ZZZ3: variants seen among roughly 807,000 people sequenced by gnomAD.
The protein encoded by ZZZ3 is zinc finger ZZ-type containing 3, also known as ZZ-type zinc finger-containing protein 3.
In ZZZ3, 22 loss-of-function variants were observed where a neutral mutation model predicts 95.2. That is an observed-to-expected ratio of 0.23 (90% confidence interval 0.17 to 0.33). The LOEUF is 0.33. Among genes scored for constraint, ZZZ3 ranks in the 10% least tolerant of loss-of-function variants. The pLI is 1.00. For synonymous variants in ZZZ3, 335 were observed against 358.9 expected (o/e 0.93, Z 0.75); for missense variants, 885 against 1,066.5 (o/e 0.83, Z 2.37).
chr1:77,579,027 A>G (rs770951610), intron 10 of ZZZ3, among the ~76,000 whole-genome samples, 158 bp from the exon 11 acceptor site: 1 of 152,206 alleles, frequency 6.6e-6, no homozygotes, highest in Non-Finnish European at 1.5e-5. Context: ...AAATACACAT[A>G]TATTTTAAAA....
chr1:77,579,012 C>T (rs1042259145), intron 10 of ZZZ3, 143 bp from the exon 11 acceptor site: 1 of 422,090 alleles, frequency 2.4e-6, no homozygotes, highest in Non-Finnish European at 4.1e-6. Context: ...CAATAAACTG[C>T]CACCAAATAC....
chr1:77,584,612 G>T lies in ZZZ3; in HGVS notation c.1549C>A (p.Arg517Ser), dbSNP rs752613048. Residue 517 changes from arginine (R) to serine (S), a missense_variant, in exon 6 of 15, where the codon CGT becomes AGT. Coordinates refer to ENST00000370801, the MANE Select transcript of ZZZ3 (RefSeq NM_015534.6). ...TCAAGGTCTTGGACTGCTTGAGAAC[G>T]CTGAGCCTCGAGTACAGCAATCGTC... ...LQTIAVLEAQRSQAVQDLESL... is the reference protein window; with the variant it reads ...LQTIAVLEAQSSQAVQDLESL... 6.2e-7 allele frequency: 1 copy of T among 1,611,522 alleles called. No individual in the cohort carries two copies. The highest frequency in any genetic ancestry group is 8.5e-7 in the Non-Finnish European group (1 of 1,179,012).
chr1:77,602,382 C>G (rs1664813941), intron 5 of ZZZ3, among the ~76,000 whole-genome samples: 1 of 152,114 alleles, frequency 6.6e-6, no homozygotes, highest in Non-Finnish European at 1.5e-5. Context: ...TCAGAGTAAA[C>G]CAACAGCAGT....
In ZZZ3 at chr1:77,563,499, A is replaced by C. The variant is rs2100431620; in HGVS notation, c.*2141T>G. 1 of 152,190 alleles carries C rather than the reference A, an allele frequency of 6.6e-6. No individual in the cohort carries two copies. Among genetic ancestry groups the C allele is most frequent in the South Asian group, 2.1e-4 (1 of 4,826 alleles). 9.4% of individuals were successfully genotyped at this position (152,190 alleles called of 1,614,324 possible). On this transcript the variant is annotated 3_prime_UTR_variant, in exon 15 of 15. Coordinates refer to ENST00000370801, the MANE Select transcript of ZZZ3 (RefSeq NM_015534.6). Reference sequence around the variant, plus strand: ...CTTCTTAACTCAAAAATCTCAAAAAATGTTTGCCCTAGAAAAATGCATTCA... The same window carrying C: ...CTTCTTAACTCAAAAATCTCAAAAACTGTTTGCCCTAGAAAAATGCATTCA...
intron 3 of ZZZ3, among the ~76,000 whole-genome samples, chr1:77,640,167 TAACAAG>T (rs1668645161): frequency 6.6e-6 from 1 of 152,196 alleles, no homozygotes; most frequent in African/African-American, 2.4e-5. Context: ...TATGTATTTT[TAACAAG>T]AACAAGAACA....
intron 1 of ZZZ3, among the ~76,000 whole-genome samples, chr1:77,667,034 T>G (rs1236996501): frequency 1.3e-5 from 2 of 152,258 alleles, no homozygotes; most frequent in Admixed American, 1.3e-4. Flanking sequence ...GGAGACTTAC[T>G]GTTCAATTAT....
intron 1 of ZZZ3, among the ~76,000 whole-genome samples, chr1:77,647,174 G>A (rs912760013): frequency 1.2e-4 from 18 of 151,988 alleles, no homozygotes; most frequent in African/African-American, 1.5e-4. Flanking sequence ...AATAAGAATC[G>A]GAAAAAAATA....
chr1:77,602,602 A>ATTTTTTTTTT (rs33915566), intron 5 of ZZZ3, among the ~76,000 whole-genome samples: 2 of 117,964 alleles, frequency 1.7e-5, no homozygotes, highest in Non-Finnish European at 3.3e-5. Context: ...ATTTTTACTG[A>ATTTTTTTTTT]TTTTTTTTTT....
chr1:77,651,258 G>A (rs1454946820), intron 1 of ZZZ3, among the ~76,000 whole-genome samples: 1 of 152,066 alleles, frequency 6.6e-6, no homozygotes, highest in East Asian at 1.9e-4. Flanking sequence ...AGTGGTGTGT[G>A]CCTGTGATCC....
chr1:77,654,723 T>G (rs1260681591), intron 1 of ZZZ3, among the ~76,000 whole-genome samples: 1 of 152,230 alleles, frequency 6.6e-6, no homozygotes, highest in South Asian at 2.1e-4. Flanking sequence ...CATAGATAGA[T>G]GGATATCTTT....
At position 77,648,183 on chromosome 1, in the gene ZZZ3, C is replaced by A. The variant is rs192995560; in HGVS notation, c.-402-6528G>T. Among the ~76,000 whole-genome samples the A allele has an allele frequency of 2.0e-5, 3 of 151,716 alleles. No individual in the cohort carries two copies. The East Asian group carries it at 5.8e-4, about 29-fold the overall frequency. On this transcript the variant is annotated intron_variant, in intron 1 of 14. Coordinates refer to ENST00000370801, the MANE Select transcript of ZZZ3 (RefSeq NM_015534.6). ...GACCAGCCTGAGCAACATGGCAAGACCCCATTTCTACAAAAATTAGCCAGA... is the reference window on the plus strand; with the variant it reads ...GACCAGCCTGAGCAACATGGCAAGAACCCATTTCTACAAAAATTAGCCAGA...
Position 77,568,588 on chromosome 1 carries a change from C to G in ZZZ3, c.2332-122G>C, listed in dbSNP as rs891550354. On this transcript the variant is annotated intron_variant, in intron 12 of 14. Coordinates refer to ENST00000370801, the MANE Select transcript of ZZZ3 (RefSeq NM_015534.6). ...TTCATTTTTAAAATATCTCTTAGTACTCATAGAAAATTAGTGCTGTTATTA... is the reference window on the plus strand; with the variant it reads ...TTCATTTTTAAAATATCTCTTAGTAGTCATAGAAAATTAGTGCTGTTATTA... 8.0e-6 allele frequency: 4 copies of G among 497,312 alleles called. No individual in the cohort carries two copies. In the East Asian group the frequency reaches 1.7e-4, roughly 21 times the overall value. The allele number at this position is 497,312 out of a possible 1,614,324, so 30.8% of individuals were successfully genotyped here. A position where few individuals can be genotyped will look rare whatever the true frequency, so the allele number is the denominator to read the frequency against.
At chr1:77,575,001 T>C (rs968140969) in intron 12 of ZZZ3, among the ~76,000 whole-genome samples, 2 of 151,940 alleles carry the variant, frequency 1.3e-5, no homozygotes, top group African/African-American at 4.8e-5. Flanking sequence ...CTGGCCAACA[T>C]AGTGAACCCC....
chr1:77,624,808 C>G (rs529651831), intron 5 of ZZZ3, among the ~76,000 whole-genome samples: 12 of 152,216 alleles, frequency 7.9e-5, no homozygotes, highest in African/African-American at 2.9e-4. Flanking sequence ...GAGGACCTAC[C>G]ATTTGTGATT....
Position 77,576,234 on chromosome 1 carries a change from C to A in ZZZ3, c.2179-14G>T. The A allele has an allele frequency of 1.9e-6, 3 of 1,557,190 alleles. No individual in the cohort carries two copies. Among genetic ancestry groups the A allele is most frequent in the East Asian group, 2.3e-5 (1 of 44,046 alleles). On this transcript the variant is annotated splice_polypyrimidine_tract_variant and intron_variant, in intron 11 of 14. Coordinates refer to ENST00000370801, the MANE Select transcript of ZZZ3 (RefSeq NM_015534.6). Reference sequence around the variant, plus strand: ...GCTTGTTGAAGACTAAGTAAGAAAACAAATTTTTAATTGGTTCAGTGAAAA... The same window carrying A: ...GCTTGTTGAAGACTAAGTAAGAAAAAAAATTTTTAATTGGTTCAGTGAAAA...
At chr1:77,645,114 T>C (rs1179059050) in intron 1 of ZZZ3, among the ~76,000 whole-genome samples, 1 of 152,028 alleles carries the variant, frequency 6.6e-6, no homozygotes, top group Non-Finnish European at 1.5e-5. Flanking sequence ...GTGCACCTGT[T>C]GTAGTCCTAG....
chr1:77,650,385 G>T (rs1669691222), intron 1 of ZZZ3, among the ~76,000 whole-genome samples: 1 of 152,030 alleles, frequency 6.6e-6, no homozygotes, highest in Non-Finnish European at 1.5e-5. Flanking sequence ...AACAACAAAT[G>T]AACATTAAAA....
At chr1:77,611,936 A>G (rs1158817381) in intron 5 of ZZZ3, among the ~76,000 whole-genome samples, 1 of 152,072 alleles carries the variant, frequency 6.6e-6, no homozygotes, top group Non-Finnish European at 1.5e-5. Flanking sequence ...TTTGGGTAAT[A>G]CACAAAAAGC....
At chr1:77,576,565 G>T (rs1661968487) in intron 11 of ZZZ3, among the ~76,000 whole-genome samples, 1 of 152,122 alleles carries the variant, frequency 6.6e-6, no homozygotes, top group African/African-American at 2.4e-5. Context: ...CAGACAGGAT[G>T]AAGTGGCCTA....
Sources: allele counts gnomAD v4.1 joint callset (sites outside exome capture counted in the v4.1 genomes callset), GRCh38; gene constraint gnomAD v4.1.1; transcripts MANE v1.5; gene names NCBI Gene and HGNC (gene_info 2026-07-23, HGNC 2026-07-21).